Variants in SLC6A19 observed in about 807,000 individuals in gnomAD.
The protein encoded by SLC6A19 is solute carrier family 6 member 19, also known as sodium-dependent neutral amino acid transporter B(0)AT1.
SLC6A19 carries 67 observed loss-of-function variants against 68.3 expected under a neutral mutation model. The observed-to-expected ratio is 0.98, with a 90% CI of 0.81 to 1.20. The LOEUF (loss-of-function observed/expected upper bound fraction) is 1.20, where lower values mean the gene tolerates loss of function less well. SLC6A19 is among the 50% of genes most tolerant of loss of function. The pLI is 0.00. For missense variants in SLC6A19, 813 were observed against 851.6 expected (o/e 0.95, Z 0.56); for synonymous variants, 392 against 374.9 (o/e 1.05, Z -0.53).
At chr5:1,202,020 C>T (rs1244111357) in intron 1 of SLC6A19, among the ~76,000 whole-genome samples, 168 bp downstream of exon 1, 2 of 152,202 alleles carry the variant, frequency 1.3e-5, no homozygotes, top group East Asian at 1.9e-4. Flanking sequence ...GGCCCCCGTG[C>T]CCGGTTCCTA....
intron 1 of SLC6A19, among the ~76,000 whole-genome samples, chr5:1,203,929 A>G (rs913950542): frequency 6.6e-6 from 1 of 152,212 alleles, no homozygotes; most frequent in Non-Finnish European, 1.5e-5. Context: ...GGCAGCTGAA[A>G]GGACCCGGCG....
In SLC6A19 at chr5:1,222,216, TTGTG is replaced by T. The variant is rs774213979; in HGVS notation, c.*315_*318del. On this transcript the variant is annotated 3_prime_UTR_variant, in exon 12 of 12. Coordinates refer to ENST00000304460, the MANE Select transcript of SLC6A19 (RefSeq NM_001003841.3). ...GTGTGTGCATGTACATGTATGGACA[TTGTG>T]TGAGTGTGCAAGTGTGCATGCATAT... is the stretch of plus-strand genomic sequence containing the variant. 9 of 586,720 alleles carry T rather than the reference TTGTG, an allele frequency of 1.5e-5. No individual in the cohort carries two copies. Among genetic ancestry groups the T allele is most frequent in the East Asian group, 8.3e-5 (3 of 35,958 alleles). The allele number at this position is 586,720 out of a possible 1,614,324, so 36.3% of individuals were successfully genotyped here.
At chr5:1,207,630 G>A (rs1039850437) in intron 1 of SLC6A19, among the ~76,000 whole-genome samples, 62 of 152,314 alleles carry the variant, frequency 4.1e-4, no homozygotes, top group Middle Eastern at 3.4e-3. Context: ...GGAGCCACTC[G>A]GCTTCCTCTC....
chr5:1,208,811 T>A lies in SLC6A19; in HGVS notation c.268T>A (p.Phe90Ile), dbSNP rs1173665317. The A allele has an allele frequency of 1.2e-6, 2 of 1,613,168 alleles. No homozygotes were observed. Among genetic ancestry groups the A allele is most frequent in the South Asian group, 2.2e-5 (2 of 91,074 alleles). Reference protein sequence around the residue: ...LEGIPLLYLEFAIGQRLRRGS... With the variant: ...LEGIPLLYLEIAIGQRLRRGS... ...GGGCATCCCCCTGCTGTACCTGGAG[T>A]TCGCCATCGGGCAGCGGCTGCGGCG... is the stretch of plus-strand genomic sequence containing the variant. Residue 90 changes from phenylalanine (F) to isoleucine (I), a missense_variant, in exon 2 of 12, where the codon TTC (phenylalanine) becomes ATC (isoleucine). Phe to Ile is a conservative substitution (Grantham distance 21, BLOSUM62 0). Transcript: ENST00000304460.
Position 1,201,755 on chromosome 5 carries a change from G to T in SLC6A19, c.105G>T (p.Trp35Cys). The T allele has an allele frequency of 6.2e-7, 1 of 1,612,812 alleles. No individual in the cohort carries two copies. Among genetic ancestry groups the T allele is most frequent in the Non-Finnish European group, 8.5e-7 (1 of 1,179,906 alleles). The change falls in exon 1 of 12, where the codon TGG (tryptophan) becomes TGT (cysteine). Residue 35 changes from tryptophan to cysteine, a missense_variant. Trp to Cys is a radical substitution (Grantham distance 215). Transcript: ENST00000304460. ...AGGAGGCCAGCTCCCGGCCGAAGTG[G>T]GACAACAAGGCGCAGTACATGCTCA... ...EQEEASSRPK[W>C]DNKAQYMLTC...
Position 1,201,778 on chromosome 5 carries a change from T to C in SLC6A19, c.128T>C (p.Leu43Pro). 6.2e-7 allele frequency: 1 copy of C among 1,612,768 alleles called. No homozygotes were observed. The highest frequency in any genetic ancestry group is 8.5e-7 in the Non-Finnish European group (1 of 1,179,880). The change falls in exon 1 of 12, where the codon CTC becomes CCC. Residue 43 changes from leucine to proline, a missense_variant. Transcript: ENST00000304460. ...TGGGACAACAAGGCGCAGTACATGC[T>C]CACCTGCCTGGGCTTCTGCGTGGGC... ...PKWDNKAQYM[L>P]TCLGFCVGLG...
At chr5:1,203,905 G>C (rs989969318) in intron 1 of SLC6A19, among the ~76,000 whole-genome samples, 1 of 152,204 alleles carries the variant, frequency 6.6e-6, no homozygotes, top group Non-Finnish European at 1.5e-5. Flanking sequence ...CTGCCACAAG[G>C]GAGCTTTCAG....
At chr5:1,213,153 C>T (rs1200991398) in intron 4 of SLC6A19, among the ~76,000 whole-genome samples, 1 of 127,868 alleles carries the variant, frequency 7.8e-6, no homozygotes, top group African/African-American at 3.0e-5. Flanking sequence ...TAGGCCTGGC[C>T]CCCCTCCGCA....
At position 1,201,628 on chromosome 5, in the gene SLC6A19, T is replaced by C. The variant is rs1745699948; in HGVS notation, c.-23T>C. 2 of 1,597,130 alleles carry C rather than the reference T, an allele frequency of 1.3e-6. No homozygotes were observed. The highest frequency in any genetic ancestry group is 1.7e-6 in the Non-Finnish European group (2 of 1,177,100). On this transcript the variant is annotated 5_prime_UTR_variant, in exon 1 of 12. Coordinates refer to ENST00000304460, the MANE Select transcript of SLC6A19 (RefSeq NM_001003841.3). ...TCCAGCTTCTGCCCTGCCTGCTGTG[T>C]GCGGAGCCGTCCAGCGACCACCATG...
rs765093844 is a variant in SLC6A19 at position 1,219,008 on chromosome 5, C to T, written c.1279C>T (p.Leu427=). ...GCTCTTCTTCATTATGCTCTTCTGC[C>T]TGGGGCTGTCATCTATGTTTGGGAA... ...SVLFFIMLFC[L]GLSSMFGNME... Residue 427 remains leucine (L), a synonymous_variant, in exon 9 of 12, where the codon CTG becomes TTG. Transcript: ENST00000304460. The T allele has an allele frequency of 6.2e-7, 1 of 1,614,122 alleles. No individual in the cohort carries two copies. Among genetic ancestry groups the T allele is most frequent in the Non-Finnish European group, 8.5e-7 (1 of 1,180,024 alleles).
In SLC6A19 at chr5:1,209,276, C is replaced by T. The variant is rs561157088; in HGVS notation, c.343+390C>T. 4.6e-5 allele frequency among the ~76,000 whole-genome samples: 7 copies of T among 152,170 alleles called. No individual in the cohort carries two copies. The highest frequency in any genetic ancestry group is 5.9e-5 in the Non-Finnish European group (4 of 68,018). ...AGTGAGGAGGTCCCCAGCACTGACA[C>T]CCCCAGACATAGTCACTCATTTATA... is the stretch of plus-strand genomic sequence containing the variant. On this transcript the variant is annotated intron_variant, in intron 2 of 11. Transcript: ENST00000304460. This position sits in a 1 kb window ranked among gnomAD's most constrained non-coding sequence, Gnocchi z 5.5.
chr5:1,223,099 T>C lies in SLC6A19; in HGVS notation c.*1195T>C, dbSNP rs1746441644. 6.6e-6 allele frequency: 1 copy of C among 152,176 alleles called. No individual in the cohort carries two copies. The highest frequency in any genetic ancestry group is 1.5e-5 in the Non-Finnish European group (1 of 68,022). 9.4% of individuals were successfully genotyped at this position (152,176 alleles called of 1,614,324 possible). ...AGCCGGAGTGGGCAGTTGCTGGCGA[T>C]TCTGAGAAAACTTGGCCGCATCCAC... On this transcript the variant is annotated 3_prime_UTR_variant, in exon 12 of 12. Coordinates refer to ENST00000304460, the MANE Select transcript of SLC6A19 (RefSeq NM_001003841.3).
chr5:1,216,903 G>A lies in SLC6A19; in HGVS notation c.1131G>A (p.Gln377=), dbSNP rs908445386. The A allele has an allele frequency of 6.2e-7, 1 of 1,613,580 alleles. No homozygotes were observed. Among genetic ancestry groups the A allele is most frequent in the African/African-American group, 1.3e-5 (1 of 75,078 alleles). The change falls in exon 8 of 12, where the codon CAG becomes CAA. Residue 377 remains glutamine, a synonymous_variant. Transcript: ENST00000304460. ...CNASDPAAYA[Q]LVFQTCDINA... is the part of the protein sequence containing the mutation. ...CCTCCGACCCCGCGGCCTACGCGCA[G>A]CTGGTGTTCCAGACCTGCGACATCA...
chr5:1,212,177 C>A lies in SLC6A19; in HGVS notation c.482-126C>A, dbSNP rs1434225051. On this transcript the variant is annotated intron_variant, in intron 3 of 11. Transcript: ENST00000304460. This position sits in a 1 kb window ranked among gnomAD's most constrained non-coding sequence, Gnocchi z 5.1. Reference sequence around the variant, plus strand: ...GCATGTGTGCCTGTGTTCATGTGCACGTGTGGGCGTGTCACTGGTGTCAAG... The same window carrying A: ...GCATGTGTGCCTGTGTTCATGTGCAAGTGTGGGCGTGTCACTGGTGTCAAG... 4 of 1,109,672 alleles carry A rather than the reference C, an allele frequency of 3.6e-6. No individual in the cohort carries two copies. The African/African-American group carries it at 6.1e-5, about 17-fold the overall frequency. 68.7% of individuals were successfully genotyped at this position (1,109,672 alleles called of 1,614,324 possible). A position where few individuals can be genotyped will look rare whatever the true frequency, so the allele number is the denominator to read the frequency against.
rs562425305 is a variant in SLC6A19, at chr5:1,222,682, C to T, written c.*778C>T. 1.0e-4 allele frequency: 19 copies of T among 190,320 alleles called. No homozygotes were observed. The highest frequency in any genetic ancestry group is 6.3e-4 in the East Asian group (5 of 7,912). The allele number at this position is 190,320 out of a possible 1,614,324, so 11.8% of individuals were successfully genotyped here. On this transcript the variant is annotated 3_prime_UTR_variant, in exon 12 of 12. Transcript: ENST00000304460. The stretch of plus-strand genomic sequence containing the variant: ...GTGCGCATATGGACACGCATGGACA[C>T]GCATATGGACACATATGGACACACA...
At chr5:1,210,719 C>T (rs1746005427) in intron 3 of SLC6A19, 138 bp downstream of exon 3, 3 of 1,293,972 alleles carry the variant, frequency 2.3e-6, no homozygotes, top group African/African-American at 1.5e-5. Context: ...CAAAAAATGA[C>T]AGCACGAAAG....
At chr5:1,203,335 G>A (rs1745767144) in intron 1 of SLC6A19, among the ~76,000 whole-genome samples, 1 of 152,218 alleles carries the variant, frequency 6.6e-6, no homozygotes, top group South Asian at 2.1e-4. Flanking sequence ...GTGCACGGTG[G>A]AGCCTGGGAG....
chr5:1,215,745 G>A lies in SLC6A19; in HGVS notation c.888-813G>A, dbSNP rs920815562. On this transcript the variant is annotated intron_variant, in intron 6 of 11. Transcript: ENST00000304460. The surrounding 1 kb of genome is among the most constrained non-coding windows in gnomAD (Gnocchi z 5.1). ...CGCATGCTTTCGTTCTTCTGGGTGT[G>A]CGCCTAGGAGTGGAGTTGCTGCGTC... Among the ~76,000 whole-genome samples the A allele has an allele frequency of 6.6e-6, 1 of 152,202 alleles. No individual in the cohort carries two copies.
chr5:1,221,086 C>T, intron 10 of SLC6A19, 65 bp from the exon 11 acceptor site: 1 of 1,583,132 alleles, frequency 6.3e-7, no homozygotes, highest in Non-Finnish European at 8.6e-7. Flanking sequence ...GCAGAACGTA[C>T]AGAAAGCTTA....
Sources: allele counts gnomAD v4.1 joint callset (sites outside exome capture counted in the v4.1 genomes callset), GRCh38; gene constraint gnomAD v4.1.1; non-coding constraint Gnocchi (gnomAD v3.1); transcripts MANE v1.5; gene names NCBI Gene and HGNC (gene_info 2026-07-23, HGNC 2026-07-21).